FOXP1: variants seen among roughly 807,000 people sequenced by gnomAD.
FOXP1 encodes the protein forkhead box protein P1.
A neutral mutation model predicts 98.2 loss-of-function variants in FOXP1; 15 were observed. That is an observed-to-expected ratio of 0.15 (90% CI 0.10 to 0.24). The LOEUF (loss-of-function observed/expected upper bound fraction) is 0.24. FOXP1 is among the 10% of genes least tolerant of loss of function. The pLI is 1.00. For synonymous variants in FOXP1, 371 were observed against 314.5 expected (o/e 1.18, Z -1.90); for missense variants, 633 against 848.5 (o/e 0.75, Z 3.15).
chr3:71,008,326 T>C (rs2043063949), intron 12 of FOXP1, among the ~76,000 whole-genome samples: 1 of 152,130 alleles, frequency 6.6e-6, no homozygotes, highest in Admixed American at 6.6e-5. Context: ...ATCCACGTTT[T>C]TACTAGTGAA....
intron 12 of FOXP1, among the ~76,000 whole-genome samples, chr3:71,007,823 A>G (rs1244953910): frequency 6.6e-6 from 1 of 152,194 alleles, no homozygotes; most frequent in Non-Finnish European, 1.5e-5. Context: ...TACCAATGAA[A>G]TGTCCTCTAC....
At chr3:71,282,302 A>C (rs1254284386) in intron 5 of FOXP1, among the ~76,000 whole-genome samples, 1 of 152,052 alleles carries the variant, frequency 6.6e-6, no homozygotes, top group East Asian at 1.9e-4. Flanking sequence ...GCCAAAAGAC[A>C]GTACCAGGAT....
At chr3:71,081,192 C>T (rs1475311000) in intron 7 of FOXP1, among the ~76,000 whole-genome samples, 1 of 152,166 alleles carries the variant, frequency 6.6e-6, no homozygotes, top group Non-Finnish European at 1.5e-5. Context: ...CTTCAGATCC[C>T]GTGGCAATCT....
chr3:71,310,094 T>A (rs1257350293), intron 4 of FOXP1, among the ~76,000 whole-genome samples: 1 of 152,204 alleles, frequency 6.6e-6, no homozygotes, highest in African/African-American at 2.4e-5. Flanking sequence ...TACAAACATT[T>A]ACTGAGCAAC....
chr3:71,582,623 C>G, intron 1 of FOXP1: 1 of 985,422 alleles, frequency 1.0e-6, no homozygotes, highest in Non-Finnish European at 1.2e-6. Context: ...GGGGTAAAAT[C>G]AGAAAATGTG....
At chr3:71,548,374 C>T (rs1047401779) in intron 2 of FOXP1, among the ~76,000 whole-genome samples, 8 of 152,242 alleles carry the variant, frequency 5.3e-5, no homozygotes, top group Non-Finnish European at 8.8e-5. Flanking sequence ...CATAATTCAA[C>T]GTATTTCCTG....
At chr3:71,542,696 G>A (rs2044962011) in intron 2 of FOXP1, among the ~76,000 whole-genome samples, 1 of 152,218 alleles carries the variant, frequency 6.6e-6, no homozygotes, top group African/African-American at 2.4e-5. Context: ...GAGTGTGAGC[G>A]AGGCAGGCAG....
intron 4 of FOXP1, among the ~76,000 whole-genome samples, chr3:71,307,564 A>T (rs2074366724): frequency 6.6e-6 from 1 of 152,214 alleles, no homozygotes; most frequent in African/African-American, 2.4e-5. Flanking sequence ...TTTGCCTTGA[A>T]ATGACCTTCC....
chr3:71,419,505 C>CT (rs2083469882), intron 3 of FOXP1, among the ~76,000 whole-genome samples: 1 of 151,916 alleles, frequency 6.6e-6, no homozygotes, highest in African/African-American at 2.4e-5. Context: ...TGGTCTGACT[C>CT]AAGGCCATAC....
At chr3:70,994,937 A>G (rs2107559263) in intron 13 of FOXP1, among the ~76,000 whole-genome samples, 1 of 152,370 alleles carries the variant, frequency 6.6e-6, no homozygotes, top group South Asian at 2.1e-4. Context: ...TGATCACAGA[A>G]CAAATTAAAA....
In FOXP1 at chr3:71,280,486, A is replaced by G. The variant is rs544182486; in HGVS notation, c.-12+19334T>C. On this transcript the variant is annotated intron_variant, in intron 5 of 20. Coordinates refer to ENST00000649528, the MANE Select transcript of FOXP1 (RefSeq NM_001349338.3). ...CAGGTGCCCACCACCATGCTCGGCT[A>G]ATTTTTTTTCTATTTTTAGTAGAGA... 2.6e-5 allele frequency among the ~76,000 whole-genome samples: 4 copies of G among 151,844 alleles called. No individual in the cohort carries two copies. The South Asian group carries it at 8.3e-4, about 32-fold the overall frequency.
chr3:71,143,801 G>A (rs2060179838), intron 6 of FOXP1, among the ~76,000 whole-genome samples: 1 of 152,184 alleles, frequency 6.6e-6, no homozygotes, highest in Admixed American at 6.5e-5. Flanking sequence ...CCATGTAAGT[G>A]TTACGACGAT....
intron 6 of FOXP1, among the ~76,000 whole-genome samples, chr3:71,174,819 C>CAT (rs1485065939): frequency 1.5e-4 from 22 of 151,184 alleles, no homozygotes; most frequent in African/African-American, 4.9e-4. Context: ...CACACACACA[C>CAT]ACACACACCC....
intron 5 of FOXP1, among the ~76,000 whole-genome samples, chr3:71,262,264 CAAAAAAAAAAAAAAAAAAAAAA>C (rs71104433): frequency 6.6e-4 from 17 of 25,714 alleles, no homozygotes; most frequent in Admixed American, 4.5e-3. Context: ...GACTCTGTCA[CAAAAAAAAAAAAAAAAAAAAAA>C]AAAAAAAAAA....
At chr3:71,186,138 T>C (rs1355525081) in intron 6 of FOXP1, among the ~76,000 whole-genome samples, 2 of 152,232 alleles carry the variant, frequency 1.3e-5, no homozygotes, top group African/African-American at 4.8e-5. Context: ...TAGCCAACTA[T>C]AGGACTATGA....
intron 5 of FOXP1, among the ~76,000 whole-genome samples, chr3:71,208,536 TTG>T (rs1553780525): frequency 9.4e-5 from 14 of 149,330 alleles, no homozygotes; most frequent in Non-Finnish European, 1.5e-4. Flanking sequence ...GCATTTAAGT[TTG>T]TGTGTGTGTG....
At chr3:71,320,430 G>A (rs1006854221) in intron 4 of FOXP1, among the ~76,000 whole-genome samples, 1 of 151,754 alleles carries the variant, frequency 6.6e-6, no homozygotes, top group Non-Finnish European at 1.5e-5. Context: ...CTAAGCCGCT[G>A]CACAGATCTA....
rs2083306588 is a variant in FOXP1 at position 71,417,550 on chromosome 3, A to G, written c.-167-58306T>C. On this transcript the variant is annotated intron_variant, in intron 3 of 20. Coordinates refer to ENST00000649528, the MANE Select transcript of FOXP1 (RefSeq NM_001349338.3). Reference sequence around the variant, plus strand: ...CAGAACTTATCTTTCTAAAAACCACATGGAGCTTCTTGTGATTTTTTTTTC... The same window carrying G: ...CAGAACTTATCTTTCTAAAAACCACGTGGAGCTTCTTGTGATTTTTTTTTC... 3.6e-5 allele frequency among the ~76,000 whole-genome samples: 3 copies of G among 83,524 alleles called. No individual in the cohort carries two copies. In the South Asian group the frequency reaches 1.7e-3, roughly 46 times the overall value. The allele number at this position is 83,524 out of a possible 152,430, so 54.8% of individuals were successfully genotyped here.
At position 71,362,272 on chromosome 3, in the gene FOXP1, A is replaced by C. The variant is rs143487931; in HGVS notation, c.-167-3028T>G. On this transcript the variant is annotated intron_variant, in intron 3 of 20. Coordinates refer to ENST00000649528, the MANE Select transcript of FOXP1 (RefSeq NM_001349338.3). The stretch of plus-strand genomic sequence containing the variant: ...CTGCAACCTCCACCTCCTGGGTTCA[A>C]GCAATTCTTCTGCCTCAGCCTCCCG... Among the ~76,000 whole-genome samples, 4 of 152,280 alleles carry C rather than the reference A, an allele frequency of 2.6e-5. No homozygotes were observed. In the East Asian group the frequency reaches 5.8e-4, roughly 22 times the overall value.
Sources: gnomAD v4.1 joint callset for allele counts (sites outside exome capture counted in the v4.1 genomes callset) on GRCh38, gnomAD v4.1.1 for gene constraint, MANE v1.5 for transcripts, NCBI Gene and HGNC (gene_info 2026-07-23, HGNC 2026-07-21) for gene names.